CLCC1: variants seen among roughly 807,000 people sequenced by gnomAD.
CLCC1 encodes chloride channel CLIC like 1, also known as chloride channel CLIC-like protein 1.
Under a neutral mutation model 63.3 loss-of-function variants are expected in CLCC1, and 39 were observed. The observed-to-expected ratio is 0.62, with a 90% CI of 0.48 to 0.81. The LOEUF (loss-of-function observed/expected upper bound fraction) is 0.81, where lower values mean the gene tolerates loss of function less well. CLCC1 is among the 30% of genes least tolerant of loss of function. The probability of loss-of-function intolerance (pLI) is 0.00; values close to 1 mark genes in which losing one functional copy is unlikely to be tolerated. For missense variants in CLCC1, 549 were observed against 669.4 expected, an observed-to-expected ratio of 0.82 and a Z score of 1.98; for synonymous variants, 217 against 239.8, an observed-to-expected ratio of 0.90 and a Z score of 0.88.
chr1:108,944,551 A>T (rs766992208), intron 5 of CLCC1, among the ~76,000 whole-genome samples: 4 of 152,188 alleles, frequency 2.6e-5, no homozygotes, highest in Admixed American at 6.5e-5. Context: ...AAAAACATTT[A>T]AAAATTCTAG....
intron 1 of CLCC1, among the ~76,000 whole-genome samples, 178 bp from the exon 2 acceptor site, chr1:108,962,647 T>A (rs1656803801): frequency 6.6e-6 from 1 of 152,140 alleles, no homozygotes; most frequent in Non-Finnish European, 1.5e-5. Context: ...GATGGGAAGA[T>A]CCTTTGAGCC....
intron 2 of CLCC1, among the ~76,000 whole-genome samples, chr1:108,956,553 C>T (rs1010131599): frequency 6.7e-6 from 1 of 149,582 alleles, no homozygotes; most frequent in Non-Finnish European, 1.5e-5. Flanking sequence ...CCCAGCTACT[C>T]GGGAGGCTGA....
rs181909469 is a variant in CLCC1 at position 108,930,991 on chromosome 1, G to A, written c.*1556C>T. ...CACTTGAGCCCAGGAGGTGGAGGCT[G>A]CACTGAGCTATGATCGTGCCACTGC... is the stretch of plus-strand genomic sequence containing the variant. On this transcript the variant is annotated 3_prime_UTR_variant, in exon 13 of 13. Coordinates refer to ENST00000369969, the MANE Select transcript of CLCC1 (RefSeq NM_001377458.1). 336 of 179,006 alleles carry A rather than the reference G, an allele frequency of 1.9e-3. 1 individual carries two copies. Among genetic ancestry groups the A allele is most frequent in the African/African-American group, 7.4e-3 (310 of 41,840 alleles). 11.1% of individuals were successfully genotyped at this position (179,006 alleles called of 1,614,324 possible). A position where few individuals can be genotyped will look rare whatever the true frequency, so the allele number is the denominator to read the frequency against.
At chr1:108,954,821 T>C (rs1655664223) in intron 2 of CLCC1, among the ~76,000 whole-genome samples, 1 of 144,854 alleles carries the variant, frequency 6.9e-6, no homozygotes, top group Non-Finnish European at 1.5e-5. Context: ...TCTTTGCGTG[T>C]GTGTGTGTGT....
chr1:108,937,177 A>C lies in CLCC1; in HGVS notation c.1283T>G (p.Val428Gly), dbSNP rs1474553218. The change falls in exon 11 of 13, where the codon GTT becomes GGT. Residue 428 changes from valine (V) to glycine (G), a missense_variant. Coordinates refer to ENST00000369969, the MANE Select transcript of CLCC1 (RefSeq NM_001377458.1). ...GRREILRERD[V>G]DLRFQTGNKS... is the part of the protein sequence containing the mutation. The stretch of plus-strand genomic sequence containing the variant: ...GTTGCCAGTCTGAAATCTCAAGTCA[A>C]CATCTCTCTCTCTCAAAATCTCTCT... The C allele has an allele frequency of 1.9e-6, 3 of 1,591,480 alleles. No homozygotes were observed. The African/African-American group carries it at 4.1e-5, about 22-fold the overall frequency.
rs1652116629 is a variant in CLCC1, at chr1:108,932,243, C to T, written c.*304G>A. 6.6e-6 allele frequency: 1 copy of T among 152,162 alleles called. No individual in the cohort carries two copies. Among genetic ancestry groups the T allele is most frequent in the Non-Finnish European group, 1.5e-5 (1 of 68,050 alleles). 9.4% of individuals were successfully genotyped at this position (152,162 alleles called of 1,614,324 possible). On this transcript the variant is annotated 3_prime_UTR_variant, in exon 13 of 13. Transcript: ENST00000369969. ...GAGCCGAGATTGTACCACCTCACTC[C>T]AGCCTGGGTGACAGAGCAAAACTCT...
chr1:108,951,708 A>T (rs1006336697), intron 2 of CLCC1, among the ~76,000 whole-genome samples: 2 of 152,138 alleles, frequency 1.3e-5, no homozygotes, highest in African/African-American at 4.8e-5. Flanking sequence ...AAATGTTCTA[A>T]AATTATAATA....
At chr1:108,957,300 T>C (rs1656044084) in intron 2 of CLCC1, among the ~76,000 whole-genome samples, 1 of 151,426 alleles carries the variant, frequency 6.6e-6, no homozygotes, top group Non-Finnish European at 1.5e-5. Context: ...AGTTAAGTTC[T>C]AGCCAACCCA....
rs553101334 is a variant in CLCC1, at chr1:108,940,556, GA to G, written c.797-415del. Among the ~76,000 whole-genome samples the G allele has an allele frequency of 8.4e-4, 128 of 152,328 alleles. 1 individual carries two copies. Among genetic ancestry groups the G allele is most frequent in the Non-Finnish European group, 1.4e-3 (94 of 68,038 alleles). The stretch of plus-strand genomic sequence containing the variant: ...GATGTCACCACTGGAGGAAAATGGG[GA>G]AAGGGTACACGGGCTCTCTCTGTAG... On this transcript the variant is annotated intron_variant, in intron 8 of 12. Coordinates refer to ENST00000369969, the MANE Select transcript of CLCC1 (RefSeq NM_001377458.1).
chr1:108,950,430 C>T lies in CLCC1; in HGVS notation c.8G>A (p.Cys3Tyr), dbSNP rs1018157768. ...CAGACATTCACAAAGGAGCAAAGAA[C>T]ACAGCATCCTGTATAAGGCTAAAAC... ML[C>Y]SLLLCECLLL... The change falls in exon 3 of 13, where the codon TGT becomes TAT. Residue 3 changes from cysteine (C) to tyrosine (Y), a missense_variant. Cys to Tyr is a radical substitution (Grantham distance 194). Transcript: ENST00000369969. 2 of 1,605,202 alleles carry T rather than the reference C, an allele frequency of 1.2e-6. No individual in the cohort carries two copies. The highest frequency in any genetic ancestry group is 1.3e-5 in the African/African-American group (1 of 74,842).
At chr1:108,959,118 G>C (rs1218088763) in intron 2 of CLCC1, among the ~76,000 whole-genome samples, 1 of 152,186 alleles carries the variant, frequency 6.6e-6, no homozygotes, top group Non-Finnish European at 1.5e-5. Context: ...AGGTTGAGGT[G>C]AGCCGAGATC....
chr1:108,935,865 AG>A (rs1377867164), intron 11 of CLCC1, among the ~76,000 whole-genome samples: 2 of 152,180 alleles, frequency 1.3e-5, no homozygotes, highest in African/African-American at 4.8e-5. Context: ...CTCAAGTTCA[AG>A]GAACAGTCAG....
chr1:108,944,359 A>G (rs1160789863), intron 5 of CLCC1, among the ~76,000 whole-genome samples: 2 of 151,958 alleles, frequency 1.3e-5, no homozygotes, highest in East Asian at 1.9e-4. Context: ...GCTCCTGCCT[A>G]CTCAGCAGGC....
intron 7 of CLCC1, 111 bp from the exon 8 acceptor site, chr1:108,941,609 CTG>C (rs1653850495): frequency 3.5e-6 from 2 of 570,388 alleles, no homozygotes; most frequent in Admixed American, 3.5e-5. Context: ...CCAAACCAGA[CTG>C]TTATAAATTT....
In CLCC1 at chr1:108,941,290, A is replaced by G. The variant is rs1653806392; in HGVS notation, c.796+115T>C. The G allele has an allele frequency of 4.4e-6, 4 of 915,984 alleles. No homozygotes were observed. The South Asian group carries it at 6.5e-5, about 15-fold the overall frequency. The allele number at this position is 915,984 out of a possible 1,614,324, so 56.7% of individuals were successfully genotyped here. On this transcript the variant is annotated intron_variant, in intron 8 of 12. Transcript: ENST00000369969. ...AAAATGCTTCTTGCATGTTCTTCTG[A>G]TATTAAAGATTCAGTCATGGAAAGC...
intron 12 of CLCC1, 109 bp downstream of exon 12, chr1:108,934,516 T>C: frequency 1.3e-6 from 1 of 798,634 alleles, no homozygotes. Context: ...ATTCTAATTG[T>C]CAGTAAAAAT....
In CLCC1 at chr1:108,950,440, T is replaced by G; in HGVS notation, c.-3A>C. Reference sequence around the variant, plus strand: ...CAAAGGAGCAAAGAACACAGCATCCTGTATAAGGCTAAAACAATTTTTAAT... The same window carrying G: ...CAAAGGAGCAAAGAACACAGCATCCGGTATAAGGCTAAAACAATTTTTAAT... On this transcript the variant is annotated 5_prime_UTR_variant, in exon 3 of 13. Coordinates refer to ENST00000369969, the MANE Select transcript of CLCC1 (RefSeq NM_001377458.1). 11 of 1,563,432 alleles carry G rather than the reference T, an allele frequency of 7.0e-6. No homozygotes were observed. Among genetic ancestry groups the G allele is most frequent in the African/African-American group, 1.4e-5 (1 of 73,522 alleles).
intron 2 of CLCC1, among the ~76,000 whole-genome samples, chr1:108,954,884 G>A (rs1655681448): frequency 6.7e-6 from 1 of 149,690 alleles, no homozygotes; most frequent in South Asian, 2.1e-4. Context: ...CCAGGCTGGA[G>A]TGCAATGGCA....
intron 5 of CLCC1, among the ~76,000 whole-genome samples, chr1:108,945,881 G>A (rs1005081768): frequency 2.0e-5 from 3 of 152,176 alleles, no homozygotes; most frequent in Non-Finnish European, 4.4e-5. Context: ...GTAAATACAA[G>A]GTGGGACATG....
Sources: allele counts gnomAD v4.1 joint callset (sites outside exome capture counted in the v4.1 genomes callset), GRCh38; gene constraint gnomAD v4.1.1; transcripts MANE v1.5; gene names NCBI Gene and HGNC (gene_info 2026-07-23, HGNC 2026-07-21).